Variants in ERCC3 observed in about 807,000 individuals in gnomAD.
The protein encoded by ERCC3 is general transcription and DNA repair factor IIH helicase/translocase subunit XPB.
Under a neutral mutation model 94.2 loss-of-function variants are expected in ERCC3, and 66 were observed. The ratio of observed to expected loss-of-function variants is 0.70; its 90% CI spans 0.57 to 0.86. The LOEUF (loss-of-function observed/expected upper bound fraction) is 0.86, where lower values mean the gene tolerates loss of function less well. Ranked by LOEUF, ERCC3 falls within the 40% of genes least tolerant of loss-of-function variation. The pLI is 0.00. For missense variants in ERCC3, 829 were observed against 987.1 expected (o/e 0.84, Z 2.15); for synonymous variants, 349 against 369.1 (o/e 0.95, Z 0.63).
At chr2:127,268,382 C>A (rs930992018) in intron 12 of ERCC3, among the ~76,000 whole-genome samples, 1 of 152,144 alleles carries the variant, frequency 6.6e-6, no homozygotes, top group Admixed American at 6.5e-5. Context: ...CCTCAGCCTC[C>A]GGAGTGGCTG....
Position 127,280,295 on chromosome 2 carries a change from C to A in ERCC3, c.1527+152G>T, listed in dbSNP as rs937659062. On this transcript the variant is annotated intron_variant, in intron 9 of 14. Coordinates refer to ENST00000285398, the MANE Select transcript of ERCC3 (RefSeq NM_000122.2). This position sits in a 1 kb window ranked among gnomAD's most constrained non-coding sequence, Gnocchi z 6.3. ...TATGCAGCAAGTGGGTCTAGTACCA[C>A]CCAACCACAGGGTGACTGAGGATCC... The A allele has an allele frequency of 1.3e-6, 1 of 743,116 alleles. No homozygotes were observed. Among genetic ancestry groups the A allele is most frequent in the Non-Finnish European group, 2.4e-6 (1 of 417,344 alleles). 46.0% of individuals were successfully genotyped at this position (743,116 alleles called of 1,614,324 possible). A position where few individuals can be genotyped will look rare whatever the true frequency, so the allele number is the denominator to read the frequency against.
rs576954711 is a variant in ERCC3, at chr2:127,293,974, C to A, written c.28+80G>T. ...CCAGCAGGGTCGGCCGGCGCAGAGG[C>A]CCGGAGCAGCTCCGAGGCAGAGCGG... On this transcript the variant is annotated intron_variant, in intron 1 of 14. Coordinates refer to ENST00000285398, the MANE Select transcript of ERCC3 (RefSeq NM_000122.2). 2.6e-6 allele frequency: 4 copies of A among 1,566,766 alleles called. No individual in the cohort carries two copies. In the African/African-American group the frequency reaches 5.4e-5, roughly 21 times the overall value.
intron 12 of ERCC3, among the ~76,000 whole-genome samples, chr2:127,270,350 A>G (rs1335196367): frequency 1.3e-5 from 2 of 152,198 alleles, no homozygotes; most frequent in East Asian, 3.9e-4. Context: ...ATGACTTATA[A>G]GCTGAATCCT....
intron 10 of ERCC3, among the ~76,000 whole-genome samples, chr2:127,276,281 G>A (rs1474065038): frequency 6.6e-6 from 1 of 152,150 alleles, no homozygotes; most frequent in African/African-American, 2.4e-5. Context: ...CAGCCACTCT[G>A]GTGAGGTCCA....
chr2:127,284,834 C>T lies in ERCC3; in HGVS notation c.1342+1869G>A, dbSNP rs1268848569. On this transcript the variant is annotated intron_variant, in intron 8 of 14. Transcript: ENST00000285398. The surrounding 1 kb of genome is among the most constrained non-coding windows in gnomAD (Gnocchi z 4.1). Reference sequence around the variant, plus strand: ...CAGCAGCTGAGACCACAGGTGCACACCACCACACTTGGCTAATTAAAAAAA... The same window carrying T: ...CAGCAGCTGAGACCACAGGTGCACATCACCACACTTGGCTAATTAAAAAAA... Among the ~76,000 whole-genome samples the T allele has an allele frequency of 2.0e-5, 3 of 152,066 alleles. No individual in the cohort carries two copies. The highest frequency in any genetic ancestry group is 6.6e-5 in the Admixed American group (1 of 15,258).
At chr2:127,294,008 G>A in intron 1 of ERCC3, 46 bp downstream of exon 1, 2 of 1,597,752 alleles carry the variant, frequency 1.3e-6, no homozygotes, top group Non-Finnish European at 1.7e-6. Flanking sequence ...GGGGGGCAGG[G>A]CCGGCAAGGG....
At chr2:127,287,957 G>A (rs1558961598) in intron 7 of ERCC3, among the ~76,000 whole-genome samples, 1 of 152,072 alleles carries the variant, frequency 6.6e-6, no homozygotes, top group South Asian at 2.1e-4. Context: ...AGGAATAAAC[G>A]TAAATAAAAA....
At position 127,264,466 on chromosome 2, in the gene ERCC3, C is replaced by CA. The variant is rs1313088596; in HGVS notation, c.1946-3121dup. ...GGGCAACAAGAGCAAGACTCTGCCT[C>CA]AAAAAAACAAAAAACCTTTTTCTGT... On this transcript the variant is annotated intron_variant, in intron 12 of 14. Coordinates refer to ENST00000285398, the MANE Select transcript of ERCC3 (RefSeq NM_000122.2). This position sits in a 1 kb window ranked among gnomAD's most constrained non-coding sequence, Gnocchi z 4.4. Among the ~76,000 whole-genome samples, 1 of 151,360 alleles carries CA rather than the reference C, an allele frequency of 6.6e-6. No individual in the cohort carries two copies. The highest frequency in any genetic ancestry group is 1.9e-4 in the East Asian group (1 of 5,188).
chr2:127,288,933 AGGTCCAAT>A, intron 6 of ERCC3, 69 bp from the exon 7 acceptor site: 1 of 1,235,394 alleles, frequency 8.1e-7, no homozygotes, highest in Non-Finnish European at 1.2e-6. Context: ...ATCTTCTAAG[AGGTCCAAT>A]GGTCAAAAAA....
intron 6 of ERCC3, 117 bp downstream of exon 6, chr2:127,289,220 A>T: frequency 1.1e-6 from 1 of 892,960 alleles, no homozygotes; most frequent in East Asian, 2.5e-5. Flanking sequence ...AAAGCAATTC[A>T]GGGACCAACA....
At chr2:127,283,254 G>A (rs966259566) in intron 8 of ERCC3, among the ~76,000 whole-genome samples, 12 of 151,884 alleles carry the variant, frequency 7.9e-5, no homozygotes, top group African/African-American at 2.9e-4. Context: ...CTCTCCTTTA[G>A]AGTCATCCAT....
At position 127,257,451 on chromosome 2, in the gene ERCC3, C is replaced by T. The variant is rs1289341097; in HGVS notation, c.*145G>A. 9.7e-7 allele frequency: 1 copy of T among 1,026,238 alleles called. No homozygotes were observed. The highest frequency in any genetic ancestry group is 1.5e-6 in the Non-Finnish European group (1 of 647,156). 63.6% of individuals were successfully genotyped at this position (1,026,238 alleles called of 1,614,324 possible). ...CCCTAGATGACCTATGAAGGCACAG[C>T]CAAGCCCTTGATGCATCTTCCTCAG... On this transcript the variant is annotated 3_prime_UTR_variant, in exon 15 of 15. Transcript: ENST00000285398. This position sits in a 1 kb window ranked among gnomAD's most constrained non-coding sequence, Gnocchi z 5.4.
rs576933202 is a variant in ERCC3 at position 127,259,515 on chromosome 2, C to T, written c.2065-67G>A. The T allele has an allele frequency of 6.2e-7, 1 of 1,601,536 alleles. No individual in the cohort carries two copies. The highest frequency in any genetic ancestry group is 2.2e-5 in the East Asian group (1 of 44,816). On this transcript the variant is annotated intron_variant, in intron 13 of 14. Coordinates refer to ENST00000285398, the MANE Select transcript of ERCC3 (RefSeq NM_000122.2). This position sits in a 1 kb window ranked among gnomAD's most constrained non-coding sequence, Gnocchi z 4.9. ...TCTCCCCAGCCCTCCTCTGCCTTCT[C>T]CTGGGTCCACCTGCTTTGGTCACTT... is the stretch of plus-strand genomic sequence containing the variant.
chr2:127,289,590 C>T (rs2104776318), intron 5 of ERCC3, 89 bp from the exon 6 acceptor site: 2 of 1,600,042 alleles, frequency 1.2e-6, no homozygotes, highest in East Asian at 2.2e-5. Flanking sequence ...GTAGAACCAG[C>T]AGGGCTGCTA....
chr2:127,289,889 C>A, intron 4 of ERCC3, 65 bp from the exon 5 acceptor site: 1 of 1,554,984 alleles, frequency 6.4e-7, no homozygotes, highest in South Asian at 1.1e-5. Context: ...TTCCACTGCT[C>A]ATTCAATTAG....
Position 127,279,330 on chromosome 2 carries a change from T to C in ERCC3, c.1573A>G (p.Ile525Val), listed in dbSNP as rs970240024. ...SPEFYREYVA[I>V]KTKKRILLYT... ...AGCAAGATTCGTTTCTTGGTTTTGA[T>C]TGCCACATATTCCCGGTAAAATTCA... Residue 525 changes from isoleucine to valine, a missense_variant, in exon 10 of 15, where the codon ATC becomes GTC. Coordinates refer to ENST00000285398, the MANE Select transcript of ERCC3 (RefSeq NM_000122.2). The surrounding 1 kb of genome is among the most constrained non-coding windows in gnomAD (Gnocchi z 4.7). 28 of 1,614,078 alleles carry C rather than the reference T, an allele frequency of 1.7e-5. No individual in the cohort carries two copies. The highest frequency in any genetic ancestry group is 4.0e-5 in the African/African-American group (3 of 74,932).
At chr2:127,278,104 G>C (rs1684789007) in intron 10 of ERCC3, among the ~76,000 whole-genome samples, 3 of 152,000 alleles carry the variant, frequency 2.0e-5, no homozygotes, top group Admixed American at 2.0e-4. Flanking sequence ...TGGGTGTGGT[G>C]GTGCGTGCCT....
At chr2:127,282,552 A>T (rs1684948683) in intron 8 of ERCC3, among the ~76,000 whole-genome samples, 1 of 152,234 alleles carries the variant, frequency 6.6e-6, no homozygotes. Flanking sequence ...ACAGCACAGC[A>T]ATCTTTATCC....
chr2:127,280,931 G>A lies in ERCC3; in HGVS notation c.1343-300C>T. The A allele has an allele frequency of 2.0e-6, 1 of 502,512 alleles. No homozygotes were observed. The highest frequency in any genetic ancestry group is 3.5e-6 in the Non-Finnish European group (1 of 287,170). The allele number at this position is 502,512 out of a possible 1,614,324, so 31.1% of individuals were successfully genotyped here. A position where few individuals can be genotyped will look rare whatever the true frequency, so the allele number is the denominator to read the frequency against. ...TTCAGGACCACAGAAGCTGGCTCTA[G>A]ACAAGAATGACTAGGCAAATGCTTC... On this transcript the variant is annotated intron_variant, in intron 8 of 14. Transcript: ENST00000285398. The surrounding 1 kb of genome is among the most constrained non-coding windows in gnomAD (Gnocchi z 6.3).
Sources: gnomAD v4.1 joint callset for allele counts (sites outside exome capture counted in the v4.1 genomes callset) on GRCh38, gnomAD v4.1.1 for gene constraint, Gnocchi (gnomAD v3.1) non-coding constraint, MANE v1.5 for transcripts, NCBI Gene and HGNC (gene_info 2026-07-23, HGNC 2026-07-21) for gene names.